CCDC88A: variants seen among roughly 807,000 people sequenced by gnomAD.
CCDC88A encodes the protein coiled-coil and HOOK domain protein 88A.
A neutral mutation model predicts 234.3 loss-of-function variants in CCDC88A; 54 were observed. That is an observed-to-expected ratio of 0.23 (90% CI 0.19 to 0.29). The LOEUF (loss-of-function observed/expected upper bound fraction) is 0.29. Among genes scored for constraint, CCDC88A ranks in the 10% least tolerant of loss-of-function variants. The probability of loss-of-function intolerance (pLI) is 1.00; values close to 1 mark genes in which losing one functional copy is unlikely to be tolerated. For synonymous variants in CCDC88A, 753 were observed against 737.8 expected (o/e 1.02, Z -0.33); for missense variants, 1,832 against 2,123.4 (o/e 0.86, Z 2.70).
In CCDC88A at chr2:55,332,601, C is replaced by T. The variant is rs1433637495; in HGVS notation, c.2820G>A (p.Glu940=). ...HELEKIGLNK[E]RLLHDEQSTD... ...TACTTTGTTCATCATGTAAGAGTCG[C>T]TCCTTATTTAACCCTATCTTCTCAA... Residue 940 remains glutamate, a synonymous_variant, in exon 16 of 33, where the codon GAG becomes GAA. Coordinates refer to ENST00000436346, the MANE Select transcript of CCDC88A (RefSeq NM_001365480.1). This position sits in a 1 kb window ranked among gnomAD's most constrained non-coding sequence, Gnocchi z 4.5. 6.2e-7 allele frequency: 1 copy of T among 1,613,400 alleles called. No individual in the cohort carries two copies. The highest frequency in any genetic ancestry group is 2.2e-5 in the East Asian group (1 of 44,790).
chr2:55,329,591 A>G (rs1275530025), intron 16 of CCDC88A: 2 of 152,216 alleles, frequency 1.3e-5, no homozygotes, highest in African/African-American at 2.4e-5. Context: ...ACAGAGAAAA[A>G]AAAGGATCTC....
intron 2 of CCDC88A, chr2:55,418,283 G>C (rs1174493052): frequency 6.5e-6 from 1 of 152,994 alleles, no homozygotes; most frequent in Non-Finnish European, 1.5e-5. Flanking sequence ...ATCTCATCAG[G>C]CTTTAGTTAT....
At chr2:55,408,517 C>G (rs1679963829) in intron 2 of CCDC88A, among the ~76,000 whole-genome samples, 1 of 152,124 alleles carries the variant, frequency 6.6e-6, no homozygotes, top group African/African-American at 2.4e-5. Flanking sequence ...AACCAAGATG[C>G]TGACAAGAGT....
intron 7 of CCDC88A, 102 bp downstream of exon 7, chr2:55,362,206 C>T: frequency 1.1e-6 from 1 of 892,082 alleles, no homozygotes. Context: ...TCCTGTATCA[C>T]CTGTCTCTAA....
intron 3 of CCDC88A, among the ~76,000 whole-genome samples, chr2:55,387,501 G>C (rs573706537): frequency 1.2e-4 from 18 of 152,028 alleles, no homozygotes; most frequent in Non-Finnish European, 2.2e-4. Flanking sequence ...TTACTGATAG[G>C]CCAGGCATGG....
intron 21 of CCDC88A, chr2:55,316,987 G>A (rs771898007): frequency 2.6e-4 from 43 of 167,620 alleles, no homozygotes; most frequent in Middle Eastern, 2.5e-3. Context: ...TACCTGCCTC[G>A]GCCTCCCAAA....
chr2:55,369,908 C>T (rs971454815), intron 5 of CCDC88A, among the ~76,000 whole-genome samples: 1 of 152,168 alleles, frequency 6.6e-6, no homozygotes, highest in Non-Finnish European at 1.5e-5. Context: ...CTTGTCTTCT[C>T]TAAAATTCAA....
chr2:55,408,667 A>G (rs1362372753), intron 2 of CCDC88A, among the ~76,000 whole-genome samples: 1 of 152,154 alleles, frequency 6.6e-6, no homozygotes, highest in Admixed American at 6.5e-5. Context: ...CATATCATCA[A>G]GAAATAACCA....
chr2:55,414,191 G>A (rs1428073669), intron 2 of CCDC88A, among the ~76,000 whole-genome samples: 2 of 152,028 alleles, frequency 1.3e-5, no homozygotes, highest in South Asian at 2.1e-4. Flanking sequence ...AAAATCCTAA[G>A]ACATCCATAT....
Position 55,309,327 on chromosome 2 carries a change from A to G in CCDC88A, c.4080-73T>C. The G allele has an allele frequency of 1.4e-6, 1 of 707,068 alleles. No individual in the cohort carries two copies. The highest frequency in any genetic ancestry group is 2.8e-5 in the East Asian group (1 of 35,724). The allele number at this position is 707,068 out of a possible 1,614,324, so 43.8% of individuals were successfully genotyped here. On this transcript the variant is annotated intron_variant, in intron 23 of 32. Coordinates refer to ENST00000436346, the MANE Select transcript of CCDC88A (RefSeq NM_001365480.1). The surrounding 1 kb of genome is among the most constrained non-coding windows in gnomAD (Gnocchi z 5.1). Reference sequence around the variant, plus strand: ...GCTATGAATATTAAATTATTTGGTGACTGTGATCTAATGTCTCCCCAAAAC... The same window carrying G: ...GCTATGAATATTAAATTATTTGGTGGCTGTGATCTAATGTCTCCCCAAAAC...
intron 18 of CCDC88A, chr2:55,320,882 A>G (rs1380381082): frequency 6.6e-6 from 1 of 152,182 alleles, no homozygotes; most frequent in Non-Finnish European, 1.5e-5. Flanking sequence ...GGCTGAAGAG[A>G]GCAGATCACT....
At chr2:55,302,951 G>A (rs1681075893) in intron 26 of CCDC88A, 118 bp downstream of exon 26, 1 of 690,040 alleles carries the variant, frequency 1.4e-6, no homozygotes, top group Admixed American at 2.6e-5. Flanking sequence ...TATATTAGAG[G>A]AAGACTGACC....
chr2:55,413,950 AAAAAACAAAAAC>A (rs1473722120), intron 2 of CCDC88A, among the ~76,000 whole-genome samples: 2 of 85,968 alleles, frequency 2.3e-5, no homozygotes, highest in African/African-American at 7.7e-5. Context: ...AGACCGTCTC[AAAAAACAAAAAC>A]AAAAACAAAA....
chr2:55,294,818 A>G (rs1679830568), intron 31 of CCDC88A: 1 of 1,025,820 alleles, frequency 9.7e-7, no homozygotes, highest in East Asian at 9.3e-5. Flanking sequence ...AGGAGCATGT[A>G]TGGTTAAGGT....
intron 18 of CCDC88A, among the ~76,000 whole-genome samples, chr2:55,319,314 T>C (rs1261225932): frequency 6.6e-6 from 1 of 152,270 alleles, no homozygotes; most frequent in African/African-American, 2.4e-5. Flanking sequence ...TAGAAAGGAA[T>C]TGTCAGTTGT....
Position 55,332,685 on chromosome 2 carries a change from C to A in CCDC88A, c.2736G>T (p.Val912=). ...KTLVTLREDL[V]SEKLKTQQMN... ...TCTGTTGGGTCTTCAACTTTTCACT[C>A]ACCAAATCCTTATTTTAAAAGAAAT... Residue 912 remains valine, a synonymous_variant, in exon 16 of 33, where the codon GTG becomes GTT. Transcript: ENST00000436346. The surrounding 1 kb of genome is among the most constrained non-coding windows in gnomAD (Gnocchi z 4.5). 6.2e-7 allele frequency: 1 copy of A among 1,612,640 alleles called. No homozygotes were observed. Among genetic ancestry groups the A allele is most frequent in the Non-Finnish European group, 8.5e-7 (1 of 1,179,338 alleles).
chr2:55,311,247 A>C (rs1682315224), intron 23 of CCDC88A, among the ~76,000 whole-genome samples: 1 of 152,262 alleles, frequency 6.6e-6, no homozygotes, highest in South Asian at 2.1e-4. Flanking sequence ...AAAAGGACTA[A>C]AGGTGGAGCC....
intron 8 of CCDC88A, among the ~76,000 whole-genome samples, chr2:55,352,432 A>C (rs1295410389): frequency 6.7e-6 from 1 of 149,802 alleles, no homozygotes; most frequent in Non-Finnish European, 1.5e-5. Context: ...ATCTCAAAAA[A>C]AAAACACACA....
chr2:55,363,261 A>C (rs192134131), intron 6 of CCDC88A, among the ~76,000 whole-genome samples: 175 of 152,052 alleles, frequency 1.2e-3, no homozygotes, highest in African/African-American at 4.0e-3. Flanking sequence ...TATGGAACAC[A>C]AAAGTCTTTT....
Sources: gnomAD v4.1 joint callset for allele counts (sites outside exome capture counted in the v4.1 genomes callset) on GRCh38, gnomAD v4.1.1 for gene constraint, Gnocchi (gnomAD v3.1) non-coding constraint, MANE v1.5 for transcripts, NCBI Gene and HGNC (gene_info 2026-07-23, HGNC 2026-07-21) for gene names.